MYO1D: variants seen among roughly 807,000 people sequenced by gnomAD.
The protein encoded by MYO1D is myosin ID, also known as unconventional myosin-Id.
A neutral mutation model predicts 122.0 loss-of-function variants in MYO1D; 83 were observed. The observed-to-expected ratio is 0.68, with a 90% CI of 0.57 to 0.82. The LOEUF (loss-of-function observed/expected upper bound fraction) is 0.82. Ranked by LOEUF, MYO1D falls within the 40% of genes least tolerant of loss-of-function variation. The pLI is 0.00. For missense variants in MYO1D, 1,157 were observed against 1,269.5 expected (o/e 0.91, Z 1.35); for synonymous variants, 464 against 446.9 (o/e 1.04, Z -0.48).
intron 21 of MYO1D, chr17:32,498,259 C>G (rs1212886106): frequency 2.0e-5 from 3 of 152,370 alleles, no homozygotes; most frequent in Non-Finnish European, 4.4e-5. Flanking sequence ...AGTGACACTT[C>G]AGGAAAGAAA....
At chr17:32,527,350 G>A (rs535046509) in intron 21 of MYO1D, among the ~76,000 whole-genome samples, 51 of 152,308 alleles carry the variant, frequency 3.3e-4, no homozygotes, top group Non-Finnish European at 4.1e-4. Context: ...GAGTCCATGT[G>A]GCTGTCCAAG....
intron 21 of MYO1D, among the ~76,000 whole-genome samples, chr17:32,546,023 C>T (rs983266406): frequency 6.6e-6 from 1 of 152,044 alleles, no homozygotes; most frequent in Non-Finnish European, 1.5e-5. Flanking sequence ...TCATATGATT[C>T]TTTCACACTC....
At chr17:32,750,988 A>T (rs996309639) in intron 11 of MYO1D, among the ~76,000 whole-genome samples, 2 of 152,180 alleles carry the variant, frequency 1.3e-5, no homozygotes, top group African/African-American at 4.8e-5. Context: ...AGGACCCAAG[A>T]GATGTCTACA....
intron 21 of MYO1D, among the ~76,000 whole-genome samples, chr17:32,599,302 C>T (rs1259643171): frequency 6.6e-6 from 1 of 152,200 alleles, no homozygotes; most frequent in Non-Finnish European, 1.5e-5. Context: ...TTTCTCTGCT[C>T]TTCCATAAGA....
At chr17:32,658,989 A>G in intron 17 of MYO1D, 126 bp downstream of exon 17, 1 of 919,120 alleles carries the variant, frequency 1.1e-6, no homozygotes, top group Non-Finnish European at 1.6e-6. Flanking sequence ...AACTGAAAAC[A>G]TAAGGTAAAG....
intron 1 of MYO1D, among the ~76,000 whole-genome samples, chr17:32,812,150 T>C (rs575292855): frequency 3.2e-4 from 49 of 152,340 alleles, no homozygotes; most frequent in Non-Finnish European, 5.4e-4. Flanking sequence ...TTTTGAATTC[T>C]GAGTTTGAGT....
At chr17:32,645,555 T>C (rs1474649060) in intron 19 of MYO1D, among the ~76,000 whole-genome samples, 1 of 152,168 alleles carries the variant, frequency 6.6e-6, no homozygotes, top group African/African-American at 2.4e-5. Flanking sequence ...AGACGGAGAT[T>C]TGGTCTTTTC....
chr17:32,641,912 C>T (rs12150381), intron 19 of MYO1D, among the ~76,000 whole-genome samples: 13 of 152,146 alleles, frequency 8.5e-5, no homozygotes, highest in Non-Finnish European at 1.5e-4. Flanking sequence ...GTTTCTTTTG[C>T]TGTGCAGAAG....
chr17:32,740,547 T>C (rs1372488531), intron 13 of MYO1D, among the ~76,000 whole-genome samples: 2 of 152,176 alleles, frequency 1.3e-5, no homozygotes, highest in African/African-American at 2.4e-5. Flanking sequence ...GGTGAGATGA[T>C]AGCTCACTGC....
chr17:32,704,473 T>A (rs2089282937), intron 16 of MYO1D, among the ~76,000 whole-genome samples: 1 of 152,192 alleles, frequency 6.6e-6, no homozygotes, highest in Admixed American at 6.5e-5. Flanking sequence ...CATAAATTGG[T>A]ACAATCTTTC....
At chr17:32,603,906 A>G (rs1217080510) in intron 21 of MYO1D, among the ~76,000 whole-genome samples, 1 of 152,176 alleles carries the variant, frequency 6.6e-6, no homozygotes, top group African/African-American at 2.4e-5. Flanking sequence ...CTATGCATTT[A>G]TTATTATTTT....
chr17:32,608,994 G>A (rs181916725), intron 20 of MYO1D, among the ~76,000 whole-genome samples: 1 of 152,130 alleles, frequency 6.6e-6, no homozygotes, highest in African/African-American at 2.4e-5. Flanking sequence ...TAGCTGCCAG[G>A]GTTTGGGGTT....
chr17:32,626,269 G>A (rs2087927103), intron 20 of MYO1D, among the ~76,000 whole-genome samples: 1 of 152,222 alleles, frequency 6.6e-6, no homozygotes. Context: ...TCTAAAGGAA[G>A]CCTATTATTG....
At chr17:32,609,679 T>C (rs1460667916) in intron 20 of MYO1D, among the ~76,000 whole-genome samples, 2 of 152,118 alleles carry the variant, frequency 1.3e-5, no homozygotes, top group Non-Finnish European at 2.9e-5. Context: ...ATAGAATATT[T>C]ATATATTCTA....
chr17:32,536,666 A>T (rs1910674821), intron 21 of MYO1D, among the ~76,000 whole-genome samples: 2 of 152,346 alleles, frequency 1.3e-5, no homozygotes, highest in South Asian at 4.1e-4. Context: ...GAAATTAATG[A>T]TAGTATGAAT....
At chr17:32,513,538 G>A (rs1477819548) in intron 21 of MYO1D, among the ~76,000 whole-genome samples, 1 of 152,150 alleles carries the variant, frequency 6.6e-6, no homozygotes, top group East Asian at 1.9e-4. Context: ...AGTACACAGG[G>A]CTCAGTGCTC....
intron 16 of MYO1D, among the ~76,000 whole-genome samples, chr17:32,694,957 A>G (rs2089153298): frequency 6.6e-6 from 1 of 152,122 alleles, no homozygotes; most frequent in Non-Finnish European, 1.5e-5. Flanking sequence ...CCTGCCTTTC[A>G]TCAATCTCCT....
chr17:32,748,797 G>T, intron 12 of MYO1D, 139 bp downstream of exon 12: 1 of 808,034 alleles, frequency 1.2e-6, no homozygotes, highest in Non-Finnish European at 2.0e-6. Flanking sequence ...TTTTTAAGTT[G>T]AACAAATTAA....
rs1265624355 is a variant in MYO1D, at chr17:32,711,351, A to T, written c.2121+637T>A. On this transcript the variant is annotated intron_variant, in intron 16 of 21. Coordinates refer to ENST00000318217, the MANE Select transcript of MYO1D (RefSeq NM_015194.3). ...GCAACATTTTTTACTTACAAGATTT[A>T]AAAGTCCTTTACGCAGCCGGGCGTG... Among the ~76,000 whole-genome samples, 3 of 152,178 alleles carry T rather than the reference A, an allele frequency of 2.0e-5. No homozygotes were observed. In the East Asian group the frequency reaches 5.8e-4, roughly 29 times the overall value.
Sources: gnomAD v4.1 joint callset for allele counts (sites outside exome capture counted in the v4.1 genomes callset) on GRCh38, gnomAD v4.1.1 for gene constraint, MANE v1.5 for transcripts, NCBI Gene and HGNC (gene_info 2026-07-23, HGNC 2026-07-21) for gene names.